Variants in POLB observed in about 807,000 individuals in gnomAD.
POLB encodes DNA polymerase beta.
POLB carries 37 observed loss-of-function variants against 52.7 expected under a neutral mutation model. The ratio of observed to expected loss-of-function variants is 0.70; its 90% CI spans 0.54 to 0.92. The LOEUF (loss-of-function observed/expected upper bound fraction) is 0.92. Among genes scored for constraint, POLB ranks in the 40% least tolerant of loss-of-function variants. POLB has a pLI of 0.00. For synonymous variants in POLB, 138 were observed against 131.3 expected (o/e 1.05, Z -0.35); for missense variants, 313 against 400.8 (o/e 0.78, Z 1.87).
chr8:42,365,629 C>T (rs1450058604), intron 11 of POLB, among the ~76,000 whole-genome samples: 2 of 152,176 alleles, frequency 1.3e-5, no homozygotes, highest in Non-Finnish European at 2.9e-5. Context: ...GTGAAAGTCA[C>T]TAGAAATCCT....
chr8:42,360,538 A>G (rs561080112), intron 9 of POLB, among the ~76,000 whole-genome samples: 22 of 152,216 alleles, frequency 1.4e-4, no homozygotes, highest in Non-Finnish European at 2.8e-4. Flanking sequence ...CATATAAGAA[A>G]ACTGAGGTCT....
chr8:42,369,207 C>A, intron 11 of POLB, 64 bp from the exon 12 acceptor site: 1 of 985,854 alleles, frequency 1.0e-6, no homozygotes, highest in Non-Finnish European at 1.6e-6. Context: ...TTGTGTTTTA[C>A]TTGATTAAAA....
chr8:42,346,943 T>G (rs1264734667), intron 3 of POLB, among the ~76,000 whole-genome samples: 2 of 152,196 alleles, frequency 1.3e-5, no homozygotes, highest in African/African-American at 2.4e-5. Flanking sequence ...ACTTTAATTC[T>G]GAGTTTCTGT....
rs1821986061 is a variant in POLB at position 42,338,547 on chromosome 8, C to A, written c.-78C>A. ...GTTGCTCCTGCTCCCGTCTCCAAGT[C>A]CTGGTACCTCCTTCAAGCTGGGAGA... On this transcript the variant is annotated 5_prime_UTR_variant, in exon 1 of 14. Coordinates refer to ENST00000265421, the MANE Select transcript of POLB (RefSeq NM_002690.3). The A allele has an allele frequency of 7.6e-7, 1 of 1,313,192 alleles. No individual in the cohort carries two copies. The highest frequency in any genetic ancestry group is 1.1e-6 in the Non-Finnish European group (1 of 906,884). The allele number at this position is 1,313,192 out of a possible 1,614,324, so 81.3% of individuals were successfully genotyped here. A position where few individuals can be genotyped will look rare whatever the true frequency, so the allele number is the denominator to read the frequency against.
At position 42,348,752 on chromosome 8, in the gene POLB, A is replaced by G. The variant is rs188366658; in HGVS notation, c.187-264A>G. ...AATTAAATTATTATGCATTTATACA[A>G]TGATATACTGTGTAGCCATAAAACA... On this transcript the variant is annotated intron_variant, in intron 3 of 13. Transcript: ENST00000265421. 6.0e-3 allele frequency among the ~76,000 whole-genome samples: 920 copies of G among 152,350 alleles called. 7 individuals carry two copies. The highest frequency in any genetic ancestry group is 0.01 in the Non-Finnish European group (690 of 68,034).
intron 2 of POLB, chr8:42,341,780 G>T (rs1822217219): frequency 4.2e-6 from 2 of 474,068 alleles, no homozygotes; most frequent in Admixed American, 2.8e-5. Flanking sequence ...GCTCTCTGCA[G>T]CCCCCTCCTG....
At chr8:42,342,622 T>G in intron 2 of POLB, 1 of 660,938 alleles carries the variant, frequency 1.5e-6, no homozygotes, top group Non-Finnish European at 2.7e-6. Flanking sequence ...TTAACAACTT[T>G]AACAAAGTCC....
intron 5 of POLB, among the ~76,000 whole-genome samples, chr8:42,351,192 T>C (rs1309144335): frequency 6.8e-6 from 1 of 146,726 alleles, no homozygotes; most frequent in African/African-American, 2.4e-5. Flanking sequence ...TCTATTATCC[T>C]TTTTTTCTAG....
In POLB at chr8:42,358,212, T is replaced by C. The variant is rs188858455; in HGVS notation, c.550+820T>C. Among the ~76,000 whole-genome samples, 535 of 152,186 alleles carry C rather than the reference T, an allele frequency of 3.5e-3. 3 individuals carry two copies. Among genetic ancestry groups the C allele is most frequent in the African/African-American group, 0.011 (475 of 41,526 alleles). ...AAAAGCTCATACATGCTTAAAAATA[T>C]TAACTTTTGGCCAGGCGCGGTGGCT... On this transcript the variant is annotated intron_variant, in intron 9 of 13. Coordinates refer to ENST00000265421, the MANE Select transcript of POLB (RefSeq NM_002690.3).
chr8:42,342,863 G>A (rs1453446034), intron 2 of POLB, among the ~76,000 whole-genome samples: 1 of 152,090 alleles, frequency 6.6e-6, no homozygotes. Flanking sequence ...AGGGACATAA[G>A]GGAATGCAGT....
At chr8:42,361,021 G>A in intron 9 of POLB, 2 of 575,942 alleles carry the variant, frequency 3.5e-6, no homozygotes, top group Non-Finnish European at 6.5e-6. Context: ...TAGTTACTTA[G>A]GTGCATTTTT....
At chr8:42,352,628 G>A in intron 6 of POLB, 60 bp downstream of exon 6, 1 of 991,636 alleles carries the variant, frequency 1.0e-6, no homozygotes, top group Non-Finnish European at 1.6e-6. Flanking sequence ...GACCATTAGT[G>A]CTCTAACAAA....
chr8:42,369,994 T>C lies in POLB; in HGVS notation c.913+6T>C, dbSNP rs1245961188. 6.2e-7 allele frequency: 1 copy of C among 1,602,116 alleles called. No individual in the cohort carries two copies. ...CCGTCCCTTGGGAGTCACTGGTGAGTGTCCATGTGTGTATTAGAGATCATC... is the reference window on the plus strand; with the variant it reads ...CCGTCCCTTGGGAGTCACTGGTGAGCGTCCATGTGTGTATTAGAGATCATC... On this transcript the variant is annotated splice_donor_region_variant and intron_variant, in intron 13 of 13. Coordinates refer to ENST00000265421, the MANE Select transcript of POLB (RefSeq NM_002690.3).
At position 42,362,618 on chromosome 8, in the gene POLB, C is replaced by G; in HGVS notation, c.628C>G (p.Leu210Val). Residue 210 changes from leucine to valine, a missense_variant, in exon 11 of 14, where the codon CTG becomes GTG. Physicochemically the swap from Leu to Val is conservative, Grantham distance 32. Transcript: ENST00000265421. ...CCTAATTATGATTCTACAGCCAAAA[C>G]TGTTACATCAGGTTGTGGAGCAGTT... Reference protein sequence around the residue: ...FTSESTKQPKLLHQVVEQLQK... With the variant: ...FTSESTKQPKVLHQVVEQLQK... The G allele has an allele frequency of 6.2e-7, 1 of 1,600,206 alleles. No homozygotes were observed. The highest frequency in any genetic ancestry group is 1.1e-5 in the South Asian group (1 of 90,568).
chr8:42,346,559 T>A (rs1355846844), intron 3 of POLB, among the ~76,000 whole-genome samples: 3 of 151,828 alleles, frequency 2.0e-5, no homozygotes, highest in African/African-American at 4.8e-5. Context: ...TATTTTTTTT[T>A]TAATTTATTT....
At chr8:42,359,609 C>T (rs1354993232) in intron 9 of POLB, among the ~76,000 whole-genome samples, 1 of 150,998 alleles carries the variant, frequency 6.6e-6, no homozygotes, top group Admixed American at 6.6e-5. Flanking sequence ...AGTGATCCAC[C>T]CACCTTAGCC....
At position 42,339,130 on chromosome 8, in the gene POLB, A is replaced by G. The variant is rs151179313; in HGVS notation, c.119+61A>G. 4.0e-4 allele frequency: 519 copies of G among 1,297,556 alleles called. 2 individuals carry two copies. The highest frequency in any genetic ancestry group is 1.5e-3 in the African/African-American group (103 of 68,896). The allele number at this position is 1,297,556 out of a possible 1,614,324, so 80.4% of individuals were successfully genotyped here. On this transcript the variant is annotated intron_variant, in intron 2 of 13. Transcript: ENST00000265421. ...CTGGGATACCCTGTTTAGTGTGGCA[A>G]TTAACAGGACTGAGGGCCCAGTGGA...
At chr8:42,365,587 T>G (rs1823988089) in intron 11 of POLB, among the ~76,000 whole-genome samples, 1 of 152,246 alleles carries the variant, frequency 6.6e-6, no homozygotes, top group Non-Finnish European at 1.5e-5. Context: ...TGGGGACCTC[T>G]CTGGCCTAAA....
chr8:42,369,609 A>G, intron 12 of POLB: 1 of 527,040 alleles, frequency 1.9e-6, no homozygotes, highest in Non-Finnish European at 3.3e-6. Context: ...GTTAGTTGTA[A>G]TAGGTGATAA....
Sources: gnomAD v4.1 joint callset for allele counts (sites outside exome capture counted in the v4.1 genomes callset) on GRCh38, gnomAD v4.1.1 for gene constraint, MANE v1.5 for transcripts, NCBI Gene and HGNC (gene_info 2026-07-23, HGNC 2026-07-21) for gene names.